COL20A1: variants seen among roughly 807,000 people sequenced by gnomAD.
COL20A1 encodes the protein collagen alpha-1(XX) chain.
A neutral mutation model predicts 152.9 loss-of-function variants in COL20A1; 164 were observed. The ratio of observed to expected loss-of-function variants is 1.07; its 90% CI spans 0.94 to 1.22. The LOEUF (loss-of-function observed/expected upper bound fraction) is 1.22, where lower values mean the gene tolerates loss of function less well. Ranked by LOEUF, COL20A1 falls within the 50% of genes most tolerant of loss-of-function variation. The pLI is 0.00. For synonymous variants in COL20A1, 864 were observed against 756.0 expected (o/e 1.14, Z -2.34); for missense variants, 1,873 against 1,744.8 (o/e 1.07, Z -1.31).
chr20:63,299,906 A>G (rs535748818), intron 3 of COL20A1, among the ~76,000 whole-genome samples: 46 of 150,054 alleles, frequency 3.1e-4, no homozygotes, highest in East Asian at 1.6e-3. Flanking sequence ...GTGTGTGTGT[A>G]TATATATATG....
rs182294824 is a variant in COL20A1 at position 63,304,906 on chromosome 20, C to T, written c.194-511C>T. Among the ~76,000 whole-genome samples the T allele has an allele frequency of 1.9e-3, 287 of 152,360 alleles. 1 individual carries two copies. Among genetic ancestry groups the T allele is most frequent in the South Asian group, 5.4e-3 (26 of 4,832 alleles). On this transcript the variant is annotated intron_variant, in intron 3 of 35. Coordinates refer to ENST00000358894, the MANE Select transcript of COL20A1 (RefSeq NM_020882.4). ...CTTTCCTCTGAGAATATGGCAGTGT[C>T]CCCTTTGGAATCATTTGTTTGCTTT...
Position 63,321,060 on chromosome 20 carries a change from C to T in COL20A1, c.3201C>T (p.Ser1067=), listed in dbSNP as rs1379758349. ...CCTTCGTGTCTGCCTGTTCCTGTTC[C>T]TCAGAGACCCCTGGGCCCCCAGGAC... is the stretch of plus-strand genomic sequence containing the variant. ...CPAFVSACSC[S]SETPGPPGPQ... is the part of the protein sequence containing the mutation. The change falls in exon 26 of 36, where the codon TCC becomes TCT. Residue 1067 remains serine (S), a synonymous_variant. Coordinates refer to ENST00000358894, the MANE Select transcript of COL20A1 (RefSeq NM_020882.4). The T allele has an allele frequency of 1.2e-6, 2 of 1,602,636 alleles. No individual in the cohort carries two copies. The highest frequency in any genetic ancestry group is 1.7e-5 in the Admixed American group (1 of 58,872).
At chr20:63,302,131 T>C (rs979531731) in intron 3 of COL20A1, among the ~76,000 whole-genome samples, 1 of 152,138 alleles carries the variant, frequency 6.6e-6, no homozygotes, top group Non-Finnish European at 1.5e-5. Flanking sequence ...TCAACCCCCC[T>C]CTACATTCTA....
intron 21 of COL20A1, among the ~76,000 whole-genome samples, chr20:63,318,546 G>A (rs947161025): frequency 6.6e-6 from 1 of 152,132 alleles, no homozygotes; most frequent in Non-Finnish European, 1.5e-5. Context: ...ATGAGTGTGA[G>A]TCGGGGGAGC....
intron 27 of COL20A1, among the ~76,000 whole-genome samples, chr20:63,322,928 C>A (rs545429176): frequency 3.9e-5 from 6 of 152,242 alleles, no homozygotes; most frequent in Non-Finnish European, 8.8e-5. Context: ...AGCCTCAGAG[C>A]ACATCTCAGG....
At chr20:63,330,147 T>C (rs992610457) in intron 35 of COL20A1, among the ~76,000 whole-genome samples, 1 of 152,012 alleles carries the variant, frequency 6.6e-6, no homozygotes, top group African/African-American at 2.4e-5. Flanking sequence ...CCAGGTAACC[T>C]CTGCCTTCCT....
intron 7 of COL20A1, 124 bp downstream of exon 7, chr20:63,308,214 C>A: frequency 2.5e-6 from 3 of 1,195,078 alleles, no homozygotes; most frequent in Middle Eastern, 2.7e-4. Flanking sequence ...CCTGTTCACA[C>A]CTTTATAGAG....
intron 15 of COL20A1, 28 bp downstream of exon 15, chr20:63,312,577 G>A (rs766083610): frequency 1.3e-6 from 2 of 1,542,848 alleles, no homozygotes; most frequent in Non-Finnish European, 1.7e-6. Context: ...GGGGCTGGGG[G>A]TCCAGCAGGG....
At position 63,309,868 on chromosome 20, in the gene COL20A1, A is replaced by C; in HGVS notation, c.1216A>C (p.Lys406Gln). Reference protein sequence around the residue: ...SWTPAPRHPLKYLIVWRASRG... With the variant: ...SWTPAPRHPLQYLIVWRASRG... Reference sequence around the variant, plus strand: ...GACTCCAGCCCCCCGGCACCCCCTCAAGTATCTGATCGTTTGGCGAGCCTC... The same window carrying C: ...GACTCCAGCCCCCCGGCACCCCCTCCAGTATCTGATCGTTTGGCGAGCCTC... The change falls in exon 10 of 36, where the codon AAG (lysine) becomes CAG (glutamine). Residue 406 changes from lysine (K) to glutamine (Q), a missense_variant. Coordinates refer to ENST00000358894, the MANE Select transcript of COL20A1 (RefSeq NM_020882.4). 6.2e-7 allele frequency: 1 copy of C among 1,607,144 alleles called. No homozygotes were observed. Among genetic ancestry groups the C allele is most frequent in the Non-Finnish European group, 8.5e-7 (1 of 1,177,608 alleles).
chr20:63,310,901 A>G (rs2067996329), intron 11 of COL20A1, among the ~76,000 whole-genome samples: 1 of 152,060 alleles, frequency 6.6e-6, no homozygotes, highest in Non-Finnish European at 1.5e-5. Context: ...ACACCATACA[A>G]CCTGCCCATT....
chr20:63,298,080 G>T (rs1419357243), intron 3 of COL20A1, 60 bp downstream of exon 3: 10 of 1,210,260 alleles, frequency 8.3e-6, no homozygotes, highest in Non-Finnish European at 1.2e-5. Flanking sequence ...GACAGTCAGT[G>T]TGGTGGCCGC....
chr20:63,303,236 T>C (rs904508747), intron 3 of COL20A1, among the ~76,000 whole-genome samples: 2 of 152,218 alleles, frequency 1.3e-5, no homozygotes, highest in Non-Finnish European at 2.9e-5. Context: ...TGTTTATTTA[T>C]TGATTTTTGA....
intron 2 of COL20A1, 64 bp downstream of exon 2, chr20:63,295,253 G>C (rs551578950): frequency 1.8e-6 from 2 of 1,094,676 alleles, no homozygotes; most frequent in East Asian, 5.2e-5. Flanking sequence ...CAGTGCCCAC[G>C]CGGGACGAGC....
In COL20A1 at chr20:63,312,885, T is replaced by C; in HGVS notation, c.2027T>C (p.Leu676Pro). ...AWVAAAPSGV[L>P]VYQITWTPLG... ...GTGGCCGCAGCCCCGTCTGGCGTGC[T>C]TGTCTACCAGATCACGTGGACGCCC... The change falls in exon 16 of 36, where the codon CTT becomes CCT. Residue 676 changes from leucine (L) to proline (P), a missense_variant. By Grantham distance (98) the Leu-to-Pro change is moderately conservative (BLOSUM62 -3). Transcript: ENST00000358894. 1.3e-6 allele frequency: 2 copies of C among 1,558,188 alleles called. No individual in the cohort carries two copies.
rs2067923984 is a variant in COL20A1 at position 63,306,195 on chromosome 20, G to T, written c.496+156G>T. The stretch of plus-strand genomic sequence containing the variant: ...GTTCTTCCTCGTGTCTGACCACACG[G>T]TCTCTGACCACGAGGCCGGGAAGTT... On this transcript the variant is annotated intron_variant, in intron 5 of 35. Coordinates refer to ENST00000358894, the MANE Select transcript of COL20A1 (RefSeq NM_020882.4). The surrounding 1 kb of genome is among the most constrained non-coding windows in gnomAD (Gnocchi z 6.9). 2 of 583,728 alleles carry T rather than the reference G, an allele frequency of 3.4e-6. No individual in the cohort carries two copies. Among genetic ancestry groups the T allele is most frequent in the Admixed American group, 3.3e-5 (1 of 29,920 alleles). 36.2% of individuals were successfully genotyped at this position (583,728 alleles called of 1,614,324 possible).
chr20:63,305,552 A>C lies in COL20A1; in HGVS notation c.329A>C (p.Glu110Ala), dbSNP rs767858658. 3 of 1,595,646 alleles carry C rather than the reference A, an allele frequency of 1.9e-6. No individual in the cohort carries two copies. The highest frequency in any genetic ancestry group is 2.3e-5 in the South Asian group (2 of 88,298). Residue 110 changes from glutamate (E) to alanine (A), a missense_variant, in exon 4 of 36, where the codon GAG becomes GCG. Coordinates refer to ENST00000358894, the MANE Select transcript of COL20A1 (RefSeq NM_020882.4). The surrounding 1 kb of genome is among the most constrained non-coding windows in gnomAD (Gnocchi z 4.9). ...GSGRFLLARR[E>A]FVIEDLKSSS... ...GGGCGCTTCCTGCTAGCTCGGAGGG[A>C]GTTTGTGAGTAAGTCCACCGTCTGC...
rs201043063 is a variant in COL20A1 at position 63,310,433 on chromosome 20, G to T, written c.1316G>T (p.Arg439Leu). The T allele has an allele frequency of 1.4e-5, 22 of 1,609,796 alleles. No individual in the cohort carries two copies. Among genetic ancestry groups the T allele is most frequent in the Non-Finnish European group, 1.9e-5 (22 of 1,178,788 alleles). The change falls in exon 11 of 36, where the codon CGC (arginine) becomes CTC (leucine). Residue 439 changes from arginine (R) to leucine (L), a missense_variant. Arg to Leu is a moderately radical substitution (Grantham distance 102, BLOSUM62 -2). Coordinates refer to ENST00000358894, the MANE Select transcript of COL20A1 (RefSeq NM_020882.4). ...ASTELHNLASRTEYLVSVFPI... is the reference protein window; with the variant it reads ...ASTELHNLASLTEYLVSVFPI... ...ACGGAGCTGCACAACCTGGCCTCCC[G>T]CACAGAGTACCTGGTCTCCGTGTTC... is the stretch of plus-strand genomic sequence containing the variant.
chr20:63,313,795 C>T lies in COL20A1; in HGVS notation c.2262C>T (p.Pro754=), dbSNP rs376343023. ...ACCTGGCCCTGGCCTCGGAGACCCC[C>T]GACAGCCTGCAGGTCAGCTGGACGC... ...PSNLALASET[P]DSLQVSWTPP... is the part of the protein sequence containing the mutation. Residue 754 remains proline, a synonymous_variant, in exon 18 of 36, where the codon CCC becomes CCT. Coordinates refer to ENST00000358894, the MANE Select transcript of COL20A1 (RefSeq NM_020882.4). This position sits in a 1 kb window ranked among gnomAD's most constrained non-coding sequence, Gnocchi z 5.9. 526 of 1,610,440 alleles carry T rather than the reference C, an allele frequency of 3.3e-4. No homozygotes were observed. Among genetic ancestry groups the T allele is most frequent in the Admixed American group, 4.7e-4 (28 of 59,752 alleles).
intron 35 of COL20A1, among the ~76,000 whole-genome samples, chr20:63,330,034 G>T (rs2123442064): frequency 6.6e-6 from 1 of 152,208 alleles, no homozygotes; most frequent in East Asian, 1.9e-4. Flanking sequence ...TTTGCTCAGT[G>T]GGCACCTGGT....
Sources: allele counts gnomAD v4.1 joint callset (sites outside exome capture counted in the v4.1 genomes callset), GRCh38; gene constraint gnomAD v4.1.1; non-coding constraint Gnocchi (gnomAD v3.1); transcripts MANE v1.5; gene names NCBI Gene and HGNC (gene_info 2026-07-23, HGNC 2026-07-21).